The following ALDH1A2 variants were observed in gnomAD, a reference collection of about 807,000 sequenced individuals.
ALDH1A2 encodes retinal dehydrogenase 2.
Under a neutral mutation model 60.3 loss-of-function variants are expected in ALDH1A2, and 27 were observed. The observed-to-expected ratio is 0.45, with a 90% CI of 0.33 to 0.62. The LOEUF is 0.62. ALDH1A2 is among the 20% of genes least tolerant of loss of function. The probability of loss-of-function intolerance (pLI) is 0.02; values close to 1 mark genes in which losing one functional copy is unlikely to be tolerated. For missense variants in ALDH1A2, 581 were observed against 643.8 expected, an observed-to-expected ratio of 0.90 and a Z score of 1.06; for synonymous variants, 289 against 232.4, an observed-to-expected ratio of 1.24 and a Z score of -2.21.
rs557112684 is a variant in ALDH1A2 at position 57,993,103 on chromosome 15, T to C, written c.556-30A>G. On this transcript the variant is annotated intron_variant, in intron 5 of 12. Transcript: ENST00000249750. ...AAGGAAAAAACTCAAAGTTGATAGA[T>C]GGAAAAACATTCTTCCACTACTTTG... is the stretch of plus-strand genomic sequence containing the variant. 8.1e-6 allele frequency: 13 copies of C among 1,609,136 alleles called. No individual in the cohort carries two copies. The Middle Eastern group carries it at 6.7e-4, about 83-fold the overall frequency.
intron 1 of ALDH1A2, among the ~76,000 whole-genome samples, chr15:58,029,860 G>A (rs1424298047): frequency 6.6e-6 from 1 of 152,106 alleles, no homozygotes; most frequent in East Asian, 1.9e-4. Context: ...TCTCTGAATA[G>A]ACCAATAATC....
chr15:57,997,707 A>G (rs1257095769), intron 4 of ALDH1A2, among the ~76,000 whole-genome samples: 1 of 151,998 alleles, frequency 6.6e-6, no homozygotes, highest in African/African-American at 2.4e-5. Context: ...AATGTAGACA[A>G]AAATCTTAAA....
chr15:58,047,694 G>C (rs34765425), intron 1 of ALDH1A2, among the ~76,000 whole-genome samples: 85 of 151,866 alleles, frequency 5.6e-4, no homozygotes, highest in African/African-American at 1.9e-3. Context: ...AAACAATAAG[G>C]CAAGTGCTCA....
rs1306154257 is a variant in ALDH1A2, at chr15:57,953,692, T to G, written c.*1505A>C. On this transcript the variant is annotated 3_prime_UTR_variant, in exon 13 of 13. Transcript: ENST00000249750. ...AGCAAGTGGAGACTTTAAAACATCA[T>G]GGATAGATAAGAGTTATAAATAGAA... 7 of 152,294 alleles carry G rather than the reference T, an allele frequency of 4.6e-5. No homozygotes were observed. Among genetic ancestry groups the G allele is most frequent in the African/African-American group, 1.7e-4 (7 of 41,394 alleles). The allele number at this position is 152,294 out of a possible 1,614,324, so 9.4% of individuals were successfully genotyped here. A position where few individuals can be genotyped will look rare whatever the true frequency, so the allele number is the denominator to read the frequency against.
In ALDH1A2 at chr15:57,960,901, A is replaced by T. The variant is rs1311976651; in HGVS notation, c.1410-57T>A. The T allele has an allele frequency of 2.0e-6, 3 of 1,508,790 alleles. No individual in the cohort carries two copies. The African/African-American group carries it at 4.2e-5, about 21-fold the overall frequency. 93.5% of individuals were successfully genotyped at this position (1,508,790 alleles called of 1,614,324 possible). A position where few individuals can be genotyped will look rare whatever the true frequency, so the allele number is the denominator to read the frequency against. ...GTGTGAAGTCTGAGCACATAATCTG[A>T]CTGGCATGGTATTTCTTTTAGAAGT... On this transcript the variant is annotated intron_variant, in intron 11 of 12. Transcript: ENST00000249750.
At position 58,006,549 on chromosome 15, in the gene ALDH1A2, A is replaced by G. The variant is rs139787429; in HGVS notation, c.493+4100T>C. Among the ~76,000 whole-genome samples, 647 of 152,014 alleles carry G rather than the reference A, an allele frequency of 4.3e-3. 8 individuals are homozygous for G. The highest frequency in any genetic ancestry group is 0.015 in the African/African-American group (602 of 41,502). On this transcript the variant is annotated intron_variant, in intron 4 of 12. Coordinates refer to ENST00000249750, the MANE Select transcript of ALDH1A2 (RefSeq NM_003888.4). ...GTACACCCATTAGTGGGATTGCTGG[A>G]CCAAATGGTAGTGCCACTTTTAGTT...
At chr15:57,956,814 C>T (rs1310332518) in intron 12 of ALDH1A2, among the ~76,000 whole-genome samples, 3 of 152,140 alleles carry the variant, frequency 2.0e-5, no homozygotes, top group East Asian at 1.9e-4. Flanking sequence ...GGCTTCTGCA[C>T]GCACTTGTTG....
In ALDH1A2 at chr15:57,969,326, A is replaced by T. The variant is rs74017086; in HGVS notation, c.799-3499T>A. Among the ~76,000 whole-genome samples, 203 of 152,316 alleles carry T rather than the reference A, an allele frequency of 1.3e-3. 4 individuals are homozygous for T. The highest frequency in any genetic ancestry group is 4.1e-4 in the Non-Finnish European group (28 of 68,028). ...GGCTTTGCAGTCCACTAGAAAAAAAAATCTGGGTCTCATTTAATATTAGAT... is the reference window on the plus strand; with the variant it reads ...GGCTTTGCAGTCCACTAGAAAAAAATATCTGGGTCTCATTTAATATTAGAT... On this transcript the variant is annotated intron_variant, in intron 7 of 12. Coordinates refer to ENST00000249750, the MANE Select transcript of ALDH1A2 (RefSeq NM_003888.4).
At chr15:58,041,241 C>T (rs1429560410) in intron 1 of ALDH1A2, among the ~76,000 whole-genome samples, 1 of 151,800 alleles carries the variant, frequency 6.6e-6, no homozygotes, top group Non-Finnish European at 1.5e-5. Flanking sequence ...GTAAATAAAA[C>T]ATATAGAGAA....
intron 4 of ALDH1A2, among the ~76,000 whole-genome samples, chr15:57,996,369 C>A (rs1323121949): frequency 2.0e-5 from 3 of 151,756 alleles, no homozygotes; most frequent in South Asian, 2.1e-4. Flanking sequence ...ATCTCTACCC[C>A]CTCTTGCCAT....
At chr15:57,955,332 CG>C in intron 12 of ALDH1A2, 63 bp from the exon 13 acceptor site, 1 of 1,563,776 alleles carries the variant, frequency 6.4e-7, no homozygotes, top group Non-Finnish European at 8.8e-7. Context: ...GTGAGTGCAG[CG>C]GGAGTCCTGG....
rs555301416 is a variant in ALDH1A2, at chr15:57,956,177, GA to G, written c.1485-909del. 8.5e-5 allele frequency among the ~76,000 whole-genome samples: 13 copies of G among 152,294 alleles called. 1 individual carries two copies. In the South Asian group the frequency reaches 2.7e-3, roughly 32 times the overall value. ...TATAGCCTACAACAGCAGGCACAAA[GA>G]AGGTACCTGATGACCAAGGAAGGAA... is the stretch of plus-strand genomic sequence containing the variant. On this transcript the variant is annotated intron_variant, in intron 12 of 12. Transcript: ENST00000249750.
intron 7 of ALDH1A2, among the ~76,000 whole-genome samples, chr15:57,970,735 A>T (rs34500205): frequency 1.1e-4 from 17 of 152,180 alleles, no homozygotes; most frequent in African/African-American, 4.1e-4. Context: ...ACACCTTTTT[A>T]AAAATGGAAA....
At chr15:58,043,773 C>T (rs1297167233) in intron 1 of ALDH1A2, among the ~76,000 whole-genome samples, 1 of 151,874 alleles carries the variant, frequency 6.6e-6, no homozygotes, top group African/African-American at 2.4e-5. Context: ...TTCAGTACAC[C>T]AAGATCATAC....
chr15:58,058,152 G>A (rs1292430258), intron 1 of ALDH1A2: 1 of 1,324,230 alleles, frequency 7.6e-7, no homozygotes, highest in Non-Finnish European at 1.0e-6. Flanking sequence ...AATTCATACA[G>A]GCATTTCATA....
intron 1 of ALDH1A2, among the ~76,000 whole-genome samples, chr15:58,051,788 T>C (rs148473018): frequency 1.3e-5 from 2 of 152,248 alleles, no homozygotes; most frequent in Non-Finnish European, 2.9e-5. Flanking sequence ...CAGAGACAAA[T>C]AGCAGTGGCA....
chr15:58,019,349 T>A (rs1260900053), intron 1 of ALDH1A2, among the ~76,000 whole-genome samples: 1 of 152,172 alleles, frequency 6.6e-6, no homozygotes, highest in African/African-American at 2.4e-5. Flanking sequence ...TGCCAAATCA[T>A]TTTAAGTTAA....
intron 1 of ALDH1A2, among the ~76,000 whole-genome samples, chr15:58,054,560 G>A (rs1424217665): frequency 6.6e-6 from 1 of 152,052 alleles, no homozygotes; most frequent in Non-Finnish European, 1.5e-5. Context: ...TAAGAGACAA[G>A]ATGGAACATA....
At chr15:57,976,692 C>T (rs1837850) in intron 7 of ALDH1A2, among the ~76,000 whole-genome samples, 8,412 of 152,176 alleles carry the variant, frequency 0.055, 282 homozygotes, top group East Asian at 0.12. Context: ...GGTTCCAAGT[C>T]CTTGCTATTG....
Sources: allele counts gnomAD v4.1 joint callset (sites outside exome capture counted in the v4.1 genomes callset), GRCh38; gene constraint gnomAD v4.1.1; transcripts MANE v1.5; gene names NCBI Gene and HGNC (gene_info 2026-07-23, HGNC 2026-07-21).